The following CACNB2 variants were observed in gnomAD, a reference collection of about 807,000 sequenced individuals.
CACNB2 encodes voltage-dependent L-type calcium channel subunit beta-2.
Under a neutral mutation model 73.3 loss-of-function variants are expected in CACNB2, and 42 were observed. The observed-to-expected ratio is 0.57, with a 90% CI of 0.45 to 0.74. The LOEUF is 0.74. CACNB2 is among the 30% of genes least tolerant of loss of function. The pLI, the probability that CACNB2 is intolerant of heterozygous loss-of-function variation, is 0.00. For missense variants in CACNB2, 940 were observed against 853.0 expected (o/e 1.10, Z -1.27); for synonymous variants, 348 against 310.3 (o/e 1.12, Z -1.28).
At chr10:18,278,322 A>G (rs1298935554) in intron 2 of CACNB2, among the ~76,000 whole-genome samples, 1 of 152,000 alleles carries the variant, frequency 6.6e-6, no homozygotes. Context: ...TCTACCCAGA[A>G]AAGATTTAAT....
At chr10:18,498,724 A>G in intron 4 of CACNB2, 1 of 488,986 alleles carries the variant, frequency 2.0e-6, no homozygotes, top group African/African-American at 2.0e-5. Context: ...AGAAATTGGG[A>G]ACTGCTAGAG....
intron 3 of CACNB2, among the ~76,000 whole-genome samples, chr10:18,475,689 G>T (rs977410598): frequency 6.6e-6 from 1 of 152,140 alleles, no homozygotes; most frequent in African/African-American, 2.4e-5. Context: ...GATTGGTTAG[G>T]AAAGATCCTC....
intron 3 of CACNB2, among the ~76,000 whole-genome samples, chr10:18,442,986 G>GTATATATATATATATATATA (rs369054241): frequency 5.2e-5 from 1 of 19,246 alleles, no homozygotes; most frequent in Non-Finnish European, 8.1e-5. Flanking sequence ...ATATATATAT[G>GTATATATATATATATATATA]TATATATATA....
chr10:18,233,140 A>T (rs368572944), intron 2 of CACNB2, among the ~76,000 whole-genome samples: 1 of 152,306 alleles, frequency 6.6e-6, no homozygotes, highest in Non-Finnish European at 1.5e-5. Flanking sequence ...TTCCTCACAC[A>T]TACTTCTGCC....
chr10:18,274,054 T>C (rs1460094952), intron 2 of CACNB2, among the ~76,000 whole-genome samples: 2 of 152,074 alleles, frequency 1.3e-5, no homozygotes, highest in African/African-American at 4.8e-5. Context: ...TCCTTGGGGG[T>C]CCTACTAACC....
intron 2 of CACNB2, among the ~76,000 whole-genome samples, chr10:18,231,772 T>C (rs1323123207): frequency 6.6e-6 from 1 of 152,228 alleles, no homozygotes; most frequent in Non-Finnish European, 1.5e-5. Context: ...CCTGAGTCTC[T>C]CTGAGAGTTC....
intron 2 of CACNB2, among the ~76,000 whole-genome samples, chr10:18,311,445 T>C (rs2039962881): frequency 6.6e-6 from 1 of 152,248 alleles, no homozygotes; most frequent in Admixed American, 6.5e-5. Flanking sequence ...TGGAAATCCA[T>C]ATACAACTTT....
chr10:18,285,987 T>C (rs1443226220), intron 2 of CACNB2, among the ~76,000 whole-genome samples: 1 of 152,178 alleles, frequency 6.6e-6, no homozygotes, highest in Admixed American at 6.5e-5. Flanking sequence ...ACCAATCATG[T>C]GGGAACACAG....
intron 10 of CACNB2, among the ~76,000 whole-genome samples, chr10:18,532,379 C>T (rs1162304103): frequency 1.3e-5 from 2 of 151,952 alleles, no homozygotes; most frequent in Non-Finnish European, 2.9e-5. Context: ...TTTATACAAT[C>T]AGCACATATT....
intron 3 of CACNB2, among the ~76,000 whole-genome samples, chr10:18,438,675 T>C (rs1389820467): frequency 2.0e-5 from 3 of 152,256 alleles, no homozygotes; most frequent in African/African-American, 7.2e-5. Flanking sequence ...CTCACAGTTC[T>C]GTTAGAGCAT....
rs202024046 is a variant in CACNB2 at position 18,442,924 on chromosome 10, A to G, written c.333+40881A>G. On this transcript the variant is annotated intron_variant, in intron 3 of 13. Coordinates refer to ENST00000324631, the MANE Select transcript of CACNB2 (RefSeq NM_201596.3). ...ATGTAAAAACAATATATATATATAT[A>G]TGTATATATATATATATGTGTATAT... Among the ~76,000 whole-genome samples, 133 of 59,514 alleles carry G rather than the reference A, an allele frequency of 2.2e-3. 13 individuals carry two copies. The highest frequency in any genetic ancestry group is 0.013 in the African/African-American group (101 of 7,768). The allele number at this position is 59,514 out of a possible 152,430, so 39.0% of individuals were successfully genotyped here.
chr10:18,274,751 C>T (rs556873586), intron 2 of CACNB2, among the ~76,000 whole-genome samples: 50 of 152,140 alleles, frequency 3.3e-4, no homozygotes, highest in South Asian at 2.1e-3. Context: ...TTACAACATG[C>T]TTATAACCAT....
chr10:18,167,053 C>T (rs911095188), intron 2 of CACNB2, among the ~76,000 whole-genome samples: 4 of 152,192 alleles, frequency 2.6e-5, no homozygotes, highest in Non-Finnish European at 4.4e-5. Flanking sequence ...TCCAGCCTCC[C>T]TTGCTACTCC....
At chr10:18,397,459 T>A (rs1362468847) in intron 2 of CACNB2, among the ~76,000 whole-genome samples, 1 of 149,816 alleles carries the variant, frequency 6.7e-6, no homozygotes, top group African/African-American at 2.5e-5. Flanking sequence ...AGTGAGACTA[T>A]CTCAAAAAAG....
intron 2 of CACNB2, chr10:18,262,105 G>A (rs1383930486): frequency 2.1e-6 from 1 of 483,234 alleles, no homozygotes; most frequent in Non-Finnish European, 4.1e-6. Context: ...AAACTGCAGT[G>A]CTGAATTGCT....
At position 18,539,582 on chromosome 10, in the gene CACNB2, G is replaced by C. The variant is rs367619172; in HGVS notation, c.1841G>C (p.Arg614Pro). The C allele has an allele frequency of 3.7e-6, 6 of 1,613,642 alleles. No individual in the cohort carries two copies. Among genetic ancestry groups the C allele is most frequent in the African/African-American group, 2.7e-5 (2 of 74,764 alleles). ...ESRHRSRDVDREQDHNECNKQ... is the reference protein window; with the variant it reads ...ESRHRSRDVDPEQDHNECNKQ... ...CGGCACCGTTCCCGGGACGTGGATC[G>C]AGAGCAGGACCACAACGAGTGCAAC... The change falls in exon 14 of 14, where the codon CGA (arginine) becomes CCA (proline). Residue 614 changes from arginine (R) to proline (P), a missense_variant. By Grantham distance (103) the Arg-to-Pro change is moderately radical. Transcript: ENST00000324631.
Position 18,140,683 on chromosome 10 carries a change from G to T in CACNB2, c.-54G>T, listed in dbSNP as rs1461291712. ...AGCGCGGGGAGGCGGGGGCGAGGAG[G>T]AGGGGACCCGCCGCCGGGGGCTGGC... On this transcript the variant is annotated 5_prime_UTR_variant, in exon 1 of 14. Coordinates refer to ENST00000324631, the MANE Select transcript of CACNB2 (RefSeq NM_201596.3). 78 of 1,498,672 alleles carry T rather than the reference G, an allele frequency of 5.2e-5. No individual in the cohort carries two copies. Among genetic ancestry groups the T allele is most frequent in the Non-Finnish European group, 7.1e-5 (78 of 1,093,852 alleles). 92.8% of individuals were successfully genotyped at this position (1,498,672 alleles called of 1,614,324 possible).
intron 2 of CACNB2, among the ~76,000 whole-genome samples, chr10:18,356,752 T>A (rs1401028103): frequency 1.3e-5 from 2 of 151,896 alleles, no homozygotes; most frequent in East Asian, 3.9e-4. Context: ...CATCTCAGCC[T>A]CCAAGTAGCT....
intron 3 of CACNB2, among the ~76,000 whole-genome samples, chr10:18,491,337 C>A (rs963318657): frequency 1.3e-5 from 2 of 152,082 alleles, no homozygotes; most frequent in African/African-American, 2.4e-5. Context: ...TAATCTCAGC[C>A]CTTTGGGAGG....
Sources: gnomAD v4.1 joint callset for allele counts (sites outside exome capture counted in the v4.1 genomes callset) on GRCh38, gnomAD v4.1.1 for gene constraint, MANE v1.5 for transcripts, NCBI Gene and HGNC (gene_info 2026-07-23, HGNC 2026-07-21) for gene names.